The following PITPNB variants were observed in gnomAD, a reference collection of about 807,000 sequenced individuals.
The protein encoded by PITPNB is phosphatidylinositol transfer protein beta.
In PITPNB, 16 loss-of-function variants were observed where a neutral mutation model predicts 45.9. The observed-to-expected ratio is 0.35, with a 90% CI of 0.24 to 0.53. The LOEUF (loss-of-function observed/expected upper bound fraction) is 0.53. Ranked by LOEUF, PITPNB falls within the 20% of genes least tolerant of loss-of-function variation. The pLI is 0.93. For missense variants in PITPNB, 188 were observed against 330.5 expected (o/e 0.57, Z 3.34); for synonymous variants, 112 against 108.9 (o/e 1.03, Z -0.18).
intron 7 of PITPNB, among the ~76,000 whole-genome samples, chr22:27,889,232 G>A (rs1357905012): frequency 6.6e-6 from 1 of 152,150 alleles, no homozygotes; most frequent in Non-Finnish European, 1.5e-5. Context: ...ATGCAAGGAG[G>A]CCTAGGTAGC....
intron 7 of PITPNB, among the ~76,000 whole-genome samples, chr22:27,892,708 C>A (rs775978638): frequency 1.6e-4 from 25 of 152,326 alleles, no homozygotes; most frequent in Non-Finnish European, 2.9e-4. Context: ...ACAGATATAT[C>A]ATTTCATTTC....
chr22:27,909,161 TA>T (rs1935845631), intron 3 of PITPNB, among the ~76,000 whole-genome samples: 1 of 150,150 alleles, frequency 6.7e-6, no homozygotes, highest in Non-Finnish European at 1.5e-5. Context: ...AATGGACTCT[TA>T]AAAGCCATTA....
rs571537737 is a variant in PITPNB at position 27,875,587 on chromosome 22, A to G, written c.457-1772T>C. 9.9e-5 allele frequency among the ~76,000 whole-genome samples: 15 copies of G among 152,278 alleles called. No homozygotes were observed. In the South Asian group the frequency reaches 2.3e-3, roughly 23 times the overall value. On this transcript the variant is annotated intron_variant, in intron 7 of 11. Transcript: ENST00000335272. ...AAATAAACCTGTAACACCATAAAAC[A>G]TTTTCTTCTGGTCAGAGGCTTGGAA...
intron 3 of PITPNB, among the ~76,000 whole-genome samples, chr22:27,908,367 G>A (rs1036538309): frequency 6.9e-6 from 1 of 144,654 alleles, no homozygotes; most frequent in African/African-American, 2.6e-5. Context: ...CAAAACACAT[G>A]TAATGTATTA....
At chr22:27,868,897 G>C (rs1934561731) in intron 8 of PITPNB, among the ~76,000 whole-genome samples, 1 of 152,152 alleles carries the variant, frequency 6.6e-6, no homozygotes, top group South Asian at 2.1e-4. Context: ...TGTATTTGTA[G>C]ACACAGAAGC....
chr22:27,883,322 G>C (rs1569018108), intron 7 of PITPNB, among the ~76,000 whole-genome samples: 1 of 152,222 alleles, frequency 6.6e-6, no homozygotes, highest in Non-Finnish European at 1.5e-5. Context: ...TGGCTGGGGA[G>C]TTACAGCAGT....
At chr22:27,885,220 A>T (rs1295016221) in intron 7 of PITPNB, among the ~76,000 whole-genome samples, 10 of 61,872 alleles carry the variant, frequency 1.6e-4, no homozygotes, top group Admixed American at 6.1e-4. Context: ...CCTAAAAAAA[A>T]AAAAAAAAAA....
chr22:27,909,207 C>CTTTTTTTTTTT (rs34224616), intron 3 of PITPNB, among the ~76,000 whole-genome samples: 1 of 82,246 alleles, frequency 1.2e-5, no homozygotes, highest in Non-Finnish European at 2.2e-5. Context: ...ACTGGTAGTA[C>CTTTTTTTTTTT]TTTTTTTTTT....
intron 7 of PITPNB, among the ~76,000 whole-genome samples, chr22:27,876,565 A>T (rs1318170601): frequency 1.3e-5 from 2 of 152,226 alleles, no homozygotes; most frequent in African/African-American, 4.8e-5. Flanking sequence ...TTAAGTTGCA[A>T]GATATTAAGA....
At chr22:27,885,897 C>A (rs946612724) in intron 7 of PITPNB, among the ~76,000 whole-genome samples, 1 of 152,218 alleles carries the variant, frequency 6.6e-6, no homozygotes, top group African/African-American at 2.4e-5. Context: ...CCACGCCATG[C>A]ATCCAGCATC....
At chr22:27,867,532 C>T (rs1934519943) in intron 8 of PITPNB, among the ~76,000 whole-genome samples, 1 of 152,220 alleles carries the variant, frequency 6.6e-6, no homozygotes, top group African/African-American at 2.4e-5. Context: ...TAATCAGTCA[C>T]ATTTTCCATG....
At chr22:27,890,396 G>GT (rs1935240041) in intron 7 of PITPNB, among the ~76,000 whole-genome samples, 1 of 151,516 alleles carries the variant, frequency 6.6e-6, no homozygotes, top group Non-Finnish European at 1.5e-5. Context: ...TAATCCTTAC[G>GT]TAACAGTTCT....
intron 5 of PITPNB, 25 bp downstream of exon 5, chr22:27,897,105 G>A: frequency 6.7e-7 from 1 of 1,503,558 alleles, no homozygotes; most frequent in East Asian, 2.3e-5. Flanking sequence ...AAGAAAGTAT[G>A]AGACACAAAA....
At chr22:27,886,687 T>G (rs899382536) in intron 7 of PITPNB, among the ~76,000 whole-genome samples, 1 of 152,196 alleles carries the variant, frequency 6.6e-6, no homozygotes, top group African/African-American at 2.4e-5. Flanking sequence ...TTAAAATATT[T>G]GGGGCTGCAT....
intron 2 of PITPNB, among the ~76,000 whole-genome samples, chr22:27,912,983 C>CCAAAAA (rs1555892472): frequency 1.8e-4 from 6 of 33,652 alleles, no homozygotes; most frequent in African/African-American, 4.5e-4. Context: ...ACTCCATCTC[C>CCAAAAA]AAAAAAAAAA....
chr22:27,890,285 G>C (rs186628308), intron 7 of PITPNB, among the ~76,000 whole-genome samples: 340 of 150,802 alleles, frequency 2.3e-3, no homozygotes, highest in African/African-American at 7.2e-3. Flanking sequence ...CTTAAAAACT[G>C]TCAAGGGCAA....
intron 2 of PITPNB, among the ~76,000 whole-genome samples, chr22:27,911,444 T>G (rs1012670629): frequency 6.6e-6 from 1 of 152,218 alleles, no homozygotes; most frequent in Admixed American, 6.5e-5. Context: ...TATTTGTACT[T>G]TACAAAGCAT....
At chr22:27,854,287 G>A (rs924208502) in intron 11 of PITPNB, among the ~76,000 whole-genome samples, 64 of 150,632 alleles carry the variant, frequency 4.2e-4, no homozygotes, top group Non-Finnish European at 6.2e-4. Context: ...GGCATATAAT[G>A]TGTTAGAGAA....
intron 9 of PITPNB, 112 bp downstream of exon 9, chr22:27,860,019 A>T: frequency 1.6e-6 from 1 of 641,862 alleles, no homozygotes. Context: ...TAGGGACAAT[A>T]ATTTTCATAT....
Sources: allele counts gnomAD v4.1 joint callset (sites outside exome capture counted in the v4.1 genomes callset), GRCh38; gene constraint gnomAD v4.1.1; transcripts MANE v1.5; gene names NCBI Gene and HGNC (gene_info 2026-07-23, HGNC 2026-07-21).